Variants in CACNA1C observed in about 807,000 individuals in gnomAD.
CACNA1C encodes the protein calcium voltage-gated channel subunit alpha1 C.
In CACNA1C, 30 loss-of-function variants were observed where a neutral mutation model predicts 229.0. The observed-to-expected ratio is 0.13, with a 90% CI of 0.10 to 0.18. The LOEUF is 0.18. Ranked by LOEUF, CACNA1C falls within the 10% of genes least tolerant of loss-of-function variation. CACNA1C has a pLI of 1.00. For missense variants in CACNA1C, 1,658 were observed against 2,845.0 expected (o/e 0.58, Z 9.49); for synonymous variants, 1,114 against 1,132.5 (o/e 0.98, Z 0.33).
chr12:2,244,317 G>T (rs1001202970), intron 3 of CACNA1C, among the ~76,000 whole-genome samples: 1 of 152,226 alleles, frequency 6.6e-6, no homozygotes, highest in Admixed American at 6.5e-5. Context: ...GGAATGCGGT[G>T]TTGACTCATG....
chr12:2,330,308 G>A (rs982853178), intron 3 of CACNA1C, among the ~76,000 whole-genome samples: 16 of 152,194 alleles, frequency 1.1e-4, no homozygotes, highest in Non-Finnish European at 1.9e-4. Flanking sequence ...GGGTACGTGA[G>A]CTTGGAGGAT....
chr12:2,341,267 C>T (rs2096854440), intron 3 of CACNA1C, among the ~76,000 whole-genome samples: 1 of 152,234 alleles, frequency 6.6e-6, no homozygotes, highest in South Asian at 2.1e-4. Context: ...TCTCTGACCC[C>T]TGGGATAGCG....
intron 11 of CACNA1C, 39 bp downstream of exon 11, chr12:2,557,016 C>T (rs896809163): frequency 6.3e-7 from 1 of 1,587,496 alleles, no homozygotes; most frequent in Non-Finnish European, 8.7e-7. Flanking sequence ...CCTTCTGCCA[C>T]CAGCTCTGTC....
chr12:2,008,124 TA>T (rs200827723), intron 1 of CACNA1C, among the ~76,000 whole-genome samples: 8 of 152,158 alleles, frequency 5.3e-5, no homozygotes, highest in Admixed American at 1.3e-4. Flanking sequence ...TTTATTTATT[TA>T]TTTATTTTTT....
At chr12:2,112,523 C>T (rs900583665) in intron 1 of CACNA1C, among the ~76,000 whole-genome samples, 4 of 152,128 alleles carry the variant, frequency 2.6e-5, no homozygotes, top group East Asian at 1.9e-4. Flanking sequence ...AGGTGAGAGT[C>T]GGTGTCACAT....
Position 2,493,364 on chromosome 12 carries a change from G to C in CACNA1C, c.1091G>C (p.Gly364Ala). The C allele has an allele frequency of 6.2e-7, 1 of 1,614,044 alleles. No individual in the cohort carries two copies. The highest frequency in any genetic ancestry group is 8.5e-7 in the Non-Finnish European group (1 of 1,179,886). Residue 364 changes from glycine (G) to alanine (A), a missense_variant, in exon 7 of 47, where the codon GGC (glycine) becomes GCC (alanine). Physicochemically the swap from Gly to Ala is moderately conservative, Grantham distance 60. Transcript: ENST00000399655. The surrounding 1 kb of genome is among the most constrained non-coding windows in gnomAD (Gnocchi z 4.6). ...LTVFQCITME[G>A]WTDVLYWVND... is the part of the protein sequence containing the mutation. The stretch of plus-strand genomic sequence containing the variant: ...GTGTTCCAGTGCATCACCATGGAGG[G>C]CTGGACGGACGTGCTGTACTGGGTA...
chr12:2,255,745 G>A (rs976941429), intron 3 of CACNA1C, among the ~76,000 whole-genome samples: 1 of 150,584 alleles, frequency 6.6e-6, no homozygotes, highest in Non-Finnish European at 1.5e-5. Flanking sequence ...TGTGAGTTAA[G>A]CAATATGCTT....
At chr12:2,140,609 GGA>G (rs1042745922) in intron 3 of CACNA1C, among the ~76,000 whole-genome samples, 1 of 151,254 alleles carries the variant, frequency 6.6e-6, no homozygotes, top group African/African-American at 2.4e-5. Context: ...TCTTAATCTA[GGA>G]GAGGAGTATA....
rs527258197 is a variant in CACNA1C, at chr12:2,632,741, G to A, written c.3829-1556G>A. 3.9e-5 allele frequency among the ~76,000 whole-genome samples: 6 copies of A among 152,204 alleles called. No homozygotes were observed. Among genetic ancestry groups the A allele is most frequent in the African/African-American group, 1.4e-4 (6 of 41,526 alleles). ...CCTAGCAAACCCATCCTCAGGAAAC[G>A]CTTTGATCACCGCGTGCCCTCTGCG... On this transcript the variant is annotated intron_variant, in intron 29 of 46. Coordinates refer to ENST00000399655, the MANE Select transcript of CACNA1C (RefSeq NM_000719.7). This position sits in a 1 kb window ranked among gnomAD's most constrained non-coding sequence, Gnocchi z 4.1.
intron 5 of CACNA1C, among the ~76,000 whole-genome samples, chr12:2,473,747 C>T (rs537748952): frequency 4.6e-5 from 7 of 152,186 alleles, no homozygotes; most frequent in Middle Eastern, 3.4e-3. Flanking sequence ...TAAATCCCTC[C>T]AAAAATATAT....
rs376689468 is a variant in CACNA1C, at chr12:2,508,633, A to G, written c.1217+3688A>G. Among the ~76,000 whole-genome samples, 81 of 152,294 alleles carry G rather than the reference A, an allele frequency of 5.3e-4. No homozygotes were observed. In the South Asian group the frequency reaches 0.016, roughly 30 times the overall value. ...ATGCCACTGCACTCCAGCCTGGGTG[A>G]CAGAGCGAGACTCTGTCTCTAAAAG... On this transcript the variant is annotated intron_variant, in intron 8 of 46. Coordinates refer to ENST00000399655, the MANE Select transcript of CACNA1C (RefSeq NM_000719.7).
intron 14 of CACNA1C, among the ~76,000 whole-genome samples, 160 bp from the exon 15 acceptor site, chr12:2,582,662 T>C (rs1372705748): frequency 1.3e-5 from 2 of 152,056 alleles, no homozygotes; most frequent in Non-Finnish European, 2.9e-5. Context: ...GTTCAATAGC[T>C]CAGAGCCCCT....
At chr12:2,005,790 G>C (rs984784674) in intron 1 of CACNA1C, among the ~76,000 whole-genome samples, 5 of 152,208 alleles carry the variant, frequency 3.3e-5, no homozygotes, top group African/African-American at 1.2e-4. Flanking sequence ...CAAGGACAAG[G>C]TGGACTAATG....
intron 1 of CACNA1C, among the ~76,000 whole-genome samples, chr12:2,081,790 C>G (rs1330757426): frequency 1.3e-5 from 2 of 151,948 alleles, no homozygotes; most frequent in African/African-American, 4.8e-5. Context: ...TTAATGTGTT[C>G]TAAGGTCTTG....
chr12:2,330,749 A>G (rs1456052791), intron 3 of CACNA1C, among the ~76,000 whole-genome samples: 1 of 152,272 alleles, frequency 6.6e-6, no homozygotes, highest in Non-Finnish European at 1.5e-5. Flanking sequence ...GAAGGATTAT[A>G]TAATAAATGG....
intron 29 of CACNA1C, 65 bp from the exon 30 acceptor site, chr12:2,634,227 CTTTTG>C (rs1393230115): frequency 1.1e-5 from 4 of 379,682 alleles, no homozygotes; most frequent in South Asian, 6.5e-5. Context: ...TTCCTCTTCC[CTTTTG>C]TTTTGTTTTG....
intron 3 of CACNA1C, among the ~76,000 whole-genome samples, chr12:2,325,266 T>G (rs1004529927): frequency 6.6e-6 from 1 of 152,196 alleles, no homozygotes; most frequent in Non-Finnish European, 1.5e-5. Flanking sequence ...ACCCATTTCC[T>G]CTGAGCTGCT....
At chr12:2,408,289 G>A (rs1041578931) in intron 3 of CACNA1C, among the ~76,000 whole-genome samples, 13 of 152,270 alleles carry the variant, frequency 8.5e-5, no homozygotes, top group South Asian at 2.1e-4. Context: ...TTTCAGTTTG[G>A]GAGGATGAAA....
rs75675870 is a variant in CACNA1C at position 2,248,732 on chromosome 12, G to A, written c.477+128302G>A. 3.6e-3 allele frequency among the ~76,000 whole-genome samples: 545 copies of A among 152,390 alleles called. 4 individuals are homozygous for A. The highest frequency in any genetic ancestry group is 0.013 in the African/African-American group (522 of 41,606). On this transcript the variant is annotated intron_variant, in intron 3 of 46. Transcript: ENST00000399655. ...AAGTAACCGAAAGACAGGAGCGGATGTTGCCTCCTGGCAAGAGGGCCTCAC... is the reference window on the plus strand; with the variant it reads ...AAGTAACCGAAAGACAGGAGCGGATATTGCCTCCTGGCAAGAGGGCCTCAC...
Sources: allele counts gnomAD v4.1 joint callset (sites outside exome capture counted in the v4.1 genomes callset), GRCh38; gene constraint gnomAD v4.1.1; non-coding constraint Gnocchi (gnomAD v3.1); transcripts MANE v1.5; gene names NCBI Gene and HGNC (gene_info 2026-07-23, HGNC 2026-07-21).